Variants in ANKMY1 observed in about 807,000 individuals in gnomAD.
The protein encoded by ANKMY1 is ankyrin repeat and MYND domain-containing protein 1.
Under a neutral mutation model 102.0 loss-of-function variants are expected in ANKMY1, and 98 were observed. That is an observed-to-expected ratio of 0.96 (90% CI 0.82 to 1.14). The LOEUF (loss-of-function observed/expected upper bound fraction) is 1.14, where lower values mean the gene tolerates loss of function less well. Ranked by LOEUF, ANKMY1 falls within the 50% of genes most tolerant of loss-of-function variation. ANKMY1 has a pLI of 0.00. For synonymous variants in ANKMY1, 582 were observed against 559.9 expected (o/e 1.04, Z -0.56); for missense variants, 1,330 against 1,347.6 (o/e 0.99, Z 0.20).
intron 5 of ANKMY1, chr2:240,527,795 G>C (rs2084185259): frequency 6.6e-6 from 1 of 151,126 alleles, no homozygotes; most frequent in South Asian, 2.1e-4. Context: ...ACAGATGCCT[G>C]AAAGAATGGA....
In ANKMY1 at chr2:240,506,610, A is replaced by C. The variant is rs1380085947; in HGVS notation, c.2526+950T>G. Among the ~76,000 whole-genome samples, 1 of 151,212 alleles carries C rather than the reference A, an allele frequency of 6.6e-6. No individual in the cohort carries two copies. Among genetic ancestry groups the C allele is most frequent in the Non-Finnish European group, 1.5e-5 (1 of 67,802 alleles). Reference sequence around the variant, plus strand: ...CCTGAGTCTCGCCCTTCCCCTTCCAAATGCCTGGGTCTCGCCCCCCATTCC... The same window carrying C: ...CCTGAGTCTCGCCCTTCCCCTTCCACATGCCTGGGTCTCGCCCCCCATTCC... On this transcript the variant is annotated intron_variant, in intron 13 of 17. Transcript: ENST00000401804. This position sits in a 1 kb window ranked among gnomAD's most constrained non-coding sequence, Gnocchi z 4.9.
intron 4 of ANKMY1, chr2:240,552,669 C>T (rs533183246): frequency 3.4e-5 from 18 of 531,012 alleles, no homozygotes; most frequent in African/African-American, 1.9e-4. Flanking sequence ...AAAATAAACA[C>T]GTGCGTTTCT....
chr2:240,529,443 C>T lies in ANKMY1; in HGVS notation c.547G>A (p.Val183Met), dbSNP rs375615369. 2.0e-5 allele frequency: 32 copies of T among 1,613,998 alleles called. No homozygotes were observed. The highest frequency in any genetic ancestry group is 4.0e-5 in the African/African-American group (3 of 74,918). ...VETYPDGSQD[V>M]GLWFREQLIK... ...AGCTGCTCTCGGAACCACAGCCCCA[C>T]GTCCTGGCTGCCATCGGGGTAGGTC... Residue 183 changes from valine (V) to methionine (M), a missense_variant, in exon 5 of 18, where the codon GTG becomes ATG. Val to Met is a conservative substitution (Grantham distance 21). Transcript: ENST00000401804. The surrounding 1 kb of genome is among the most constrained non-coding windows in gnomAD (Gnocchi z 4.2).
rs535436985 is a variant in ANKMY1, at chr2:240,507,918, G to A, written c.2395-227C>T. The stretch of plus-strand genomic sequence containing the variant: ...GGGGTCCCATGGCTGGTCTGTTAGG[G>A]AGGAGCTGGAACTCCACCCAGGTGG... On this transcript the variant is annotated intron_variant, in intron 12 of 17. Coordinates refer to ENST00000401804, the MANE Select transcript of ANKMY1 (RefSeq NM_001282771.3). The A allele has an allele frequency of 1.2e-4, 49 of 422,284 alleles. 1 individual carries two copies. The South Asian group carries it at 2.9e-3, about 25-fold the overall frequency. 26.2% of individuals were successfully genotyped at this position (422,284 alleles called of 1,614,324 possible). A position where few individuals can be genotyped will look rare whatever the true frequency, so the allele number is the denominator to read the frequency against.
At chr2:240,525,272 T>C (rs569547002) in intron 7 of ANKMY1, among the ~76,000 whole-genome samples, 1 of 152,338 alleles carries the variant, frequency 6.6e-6, no homozygotes, top group African/African-American at 2.4e-5. Context: ...ATCTCAGTGA[T>C]TGGCTTTCTG....
upstream of ANKMY1, among the ~76,000 whole-genome samples, chr2:240,558,934 T>C (rs1288016499): frequency 6.6e-6 from 1 of 152,208 alleles, no homozygotes; most frequent in Non-Finnish European, 1.5e-5. Context: ...AATATTTTCA[T>C]GTAGTCTATT....
At chr2:240,530,311 A>G (rs569688849) in intron 4 of ANKMY1, among the ~76,000 whole-genome samples, 2 of 149,800 alleles carry the variant, frequency 1.3e-5, no homozygotes, top group Non-Finnish European at 3.0e-5. Context: ...GTCAAATTGT[A>G]CTCCCCAGTG....
chr2:240,494,926 C>T, intron 15 of ANKMY1, among the ~76,000 whole-genome samples: 1 of 152,044 alleles, frequency 6.6e-6, no homozygotes, highest in Middle Eastern at 3.4e-3. Context: ...AGATACAGAT[C>T]ATAGATATGA....
downstream of ANKMY1, among the ~76,000 whole-genome samples, chr2:240,478,811 A>G (rs1489234207): frequency 6.6e-6 from 1 of 150,892 alleles, no homozygotes; most frequent in Non-Finnish European, 1.5e-5. Flanking sequence ...GCTTGGCTCC[A>G]GCCCCGACAC....
downstream of ANKMY1, among the ~76,000 whole-genome samples, chr2:240,478,425 A>C (rs1456863541): frequency 6.6e-6 from 1 of 152,168 alleles, no homozygotes; most frequent in African/African-American, 2.4e-5. Flanking sequence ...AGGTAGTGGA[A>C]GCCGGGGGTG....
chr2:240,526,146 AG>A (rs1281941715), intron 6 of ANKMY1, 82 bp downstream of exon 6: 13 of 1,503,322 alleles, frequency 8.6e-6, no homozygotes, highest in Non-Finnish European at 1.0e-5. Flanking sequence ...GCTCCTGCAG[AG>A]GGGGCCACAG....
intron 6 of ANKMY1, 130 bp from the exon 7 acceptor site, chr2:240,525,979 T>C: frequency 8.1e-7 from 1 of 1,236,386 alleles, no homozygotes; most frequent in South Asian, 1.4e-5. Context: ...ATTCGGGAGC[T>C]TGGCAAAGGG....
chr2:240,478,603 A>G (rs1407590325), downstream of ANKMY1, among the ~76,000 whole-genome samples: 1 of 152,038 alleles, frequency 6.6e-6, no homozygotes, highest in Non-Finnish European at 1.5e-5. Context: ...CCCTATGAAG[A>G]GCCACCCAGC....
chr2:240,557,184 C>T lies in ANKMY1; in HGVS notation c.146+6G>A, dbSNP rs184417332. On this transcript the variant is annotated splice_donor_region_variant and intron_variant, in intron 2 of 17. Coordinates refer to ENST00000401804, the MANE Select transcript of ANKMY1 (RefSeq NM_001282771.3). ...TCGGACCTCCCCGCTGGAGGGTCCCCCGCACCTTGTGGCGAAGACAGCGTA... is the reference window on the plus strand; with the variant it reads ...TCGGACCTCCCCGCTGGAGGGTCCCTCGCACCTTGTGGCGAAGACAGCGTA... 256 of 1,515,474 alleles carry T rather than the reference C, an allele frequency of 1.7e-4. No individual in the cohort carries two copies. The highest frequency in any genetic ancestry group is 1.2e-5 in the Non-Finnish European group (14 of 1,124,874). The allele number at this position is 1,515,474 out of a possible 1,614,324, so 93.9% of individuals were successfully genotyped here. A position where few individuals can be genotyped will look rare whatever the true frequency, so the allele number is the denominator to read the frequency against.
Position 240,480,901 on chromosome 2 carries a change from C to T in ANKMY1, c.3046+36G>A, listed in dbSNP as rs76555993. The T allele has an allele frequency of 4.5e-5, 72 of 1,590,536 alleles. No homozygotes were observed. The African/African-American group carries it at 8.4e-4, about 19-fold the overall frequency. On this transcript the variant is annotated intron_variant, in intron 17 of 17. Coordinates refer to ENST00000401804, the MANE Select transcript of ANKMY1 (RefSeq NM_001282771.3). ...CCTGCGCCTTCGCCCTCAGCAGCAG[C>T]GGAACCCTTGCCTCCCAGCCTGAGG...
chr2:240,504,298 G>A (rs1159361763), intron 13 of ANKMY1, among the ~76,000 whole-genome samples: 1 of 152,214 alleles, frequency 6.6e-6, no homozygotes, highest in Non-Finnish European at 1.5e-5. Flanking sequence ...CAGATCCCAT[G>A]AAACCATCAT....
intron 13 of ANKMY1, among the ~76,000 whole-genome samples, chr2:240,503,038 A>T (rs773650528): frequency 6.6e-6 from 1 of 152,100 alleles, no homozygotes; most frequent in Admixed American, 6.5e-5. Context: ...CCCCAGCAGC[A>T]TCAGCACACT....
chr2:240,550,636 T>C (rs940453165), intron 4 of ANKMY1, among the ~76,000 whole-genome samples: 6 of 152,228 alleles, frequency 3.9e-5, no homozygotes, highest in African/African-American at 7.2e-5. Context: ...TTATTTGTTA[T>C]ATTAGAATTA....
chr2:240,511,823 G>A, intron 11 of ANKMY1, 38 bp downstream of exon 11: 2 of 1,543,040 alleles, frequency 1.3e-6, no homozygotes, highest in Non-Finnish European at 1.7e-6. Flanking sequence ...CCACCGCTGG[G>A]CAGCCCTGTG....
Sources: gnomAD v4.1 joint callset for allele counts (sites outside exome capture counted in the v4.1 genomes callset) on GRCh38, gnomAD v4.1.1 for gene constraint, Gnocchi (gnomAD v3.1) non-coding constraint, MANE v1.5 for transcripts, NCBI Gene and HGNC (gene_info 2026-07-23, HGNC 2026-07-21) for gene names.